Variants in RTEL1 observed in about 807,000 individuals in gnomAD.
RTEL1 encodes regulator of telomere length.
In RTEL1, 86 loss-of-function variants were observed where a neutral mutation model predicts 162.2. The ratio of observed to expected loss-of-function variants is 0.53; its 90% CI spans 0.45 to 0.63. RTEL1 has a LOEUF of 0.63. RTEL1 is among the 30% of genes least tolerant of loss of function. RTEL1 has a pLI of 0.00. For missense variants in RTEL1, 1,941 were observed against 1,750.2 expected, an observed-to-expected ratio of 1.11 and a Z score of -1.95; for synonymous variants, 958 against 717.9, an observed-to-expected ratio of 1.33 and a Z score of -5.35.
Position 63,695,512 on chromosome 20 carries a change from G to A in RTEL1, c.3684G>A (p.Gln1228=), listed in dbSNP as rs1329071018. Residue 1228 remains glutamine (Q), a synonymous_variant, in exon 34 of 35, where the codon CAG becomes CAA. Transcript: ENST00000360203. ...CTCATGGGAGAGACATCGCTGGGCAGCAGGCCACGGGAGCTCCGGGCGGGC... is the reference window on the plus strand; with the variant it reads ...CTCATGGGAGAGACATCGCTGGGCAACAGGCCACGGGAGCTCCGGGCGGGC... ...GEPHGRDIAG[Q]QATGAPGGPL... is the part of the protein sequence containing the mutation. 6.2e-7 allele frequency: 1 copy of A among 1,611,876 alleles called. No individual in the cohort carries two copies. The highest frequency in any genetic ancestry group is 2.2e-5 in the East Asian group (1 of 44,876).
chr20:63,695,029 T>C (rs1335037635), intron 32 of RTEL1, 37 bp from the exon 33 acceptor site: 5 of 1,609,464 alleles, frequency 3.1e-6, no homozygotes, highest in East Asian at 2.2e-5. Context: ...GGGGACAAAA[T>C]GGGGGCTGTG....
rs199698251 is a variant in RTEL1, at chr20:63,691,836, C to G, written c.2651C>G (p.Pro884Arg). Residue 884 changes from proline (P) to arginine (R), a missense_variant and splice_region_variant, in exon 28 of 35, where the codon CCG becomes CGG. Physicochemically the swap from Pro to Arg is moderately radical, Grantham distance 103 (BLOSUM62 -2). Transcript: ENST00000360203. Reference protein sequence around the residue: ...GRKKIRLVSHPEEPVAGAQTD... With the variant: ...GRKKIRLVSHREEPVAGAQTD... The stretch of plus-strand genomic sequence containing the variant: ...AAGAAGATCCGGCTGGTCAGCCACC[C>G]GGTGCGTGAGCTGTCCCTGCACCTG... The G allele has an allele frequency of 2.5e-6, 4 of 1,609,178 alleles. No homozygotes were observed. The South Asian group carries it at 3.3e-5, about 13-fold the overall frequency.
Position 63,674,026 on chromosome 20 carries a change from G to A in RTEL1, c.852G>A (p.Glu284=), listed in dbSNP as rs764411233. ...SGLDVIDQVL[E]EQTKAAQQGE... is the part of the protein sequence containing the mutation. ...TGGACGTCATAGACCAGGTGCTGGA[G>A]GAGCAGACCAAGGCAGCGCAGCAGG... The change falls in exon 10 of 35, where the codon GAG becomes GAA. Residue 284 remains glutamate, a synonymous_variant. Coordinates refer to ENST00000360203, the MANE Select transcript of RTEL1 (RefSeq NM_001283009.2). 1.9e-6 allele frequency: 3 copies of A among 1,614,156 alleles called. No homozygotes were observed. Among genetic ancestry groups the A allele is most frequent in the African/African-American group, 1.3e-5 (1 of 75,068 alleles).
In RTEL1 at chr20:63,687,781, C is replaced by A; in HGVS notation, c.1481+11C>A. On this transcript the variant is annotated intron_variant, in intron 17 of 34. Coordinates refer to ENST00000360203, the MANE Select transcript of RTEL1 (RefSeq NM_001283009.2). ...TCTGGAGATGCAGATGTACGGGCCA[C>A]CCCTGCCAGGGCCTGAGCACCGGTG... 6.4e-7 allele frequency: 1 copy of A among 1,564,090 alleles called. No individual in the cohort carries two copies. The highest frequency in any genetic ancestry group is 8.7e-7 in the Non-Finnish European group (1 of 1,154,980).
In RTEL1 at chr20:63,689,764, G is replaced by A; in HGVS notation, c.2040G>A (p.Gln680=). 1 of 1,612,192 alleles carries A rather than the reference G, an allele frequency of 6.2e-7. No homozygotes were observed. The highest frequency in any genetic ancestry group is 2.2e-5 in the East Asian group (1 of 44,862). ...TCGCCCCACAGTTCCTCTCTGGGCAGGAGTGGTACCGGCAGCAGGCGTCCA... is the reference window on the plus strand; with the variant it reads ...TCGCCCCACAGTTCCTCTCTGGGCAAGAGTGGTACCGGCAGCAGGCGTCCA... ...GGAGGQFLSG[Q]EWYRQQASRA... The change falls in exon 24 of 35, where the codon CAG becomes CAA. Residue 680 remains glutamine (Q), a synonymous_variant. Transcript: ENST00000360203.
At chr20:63,694,152 C>A (rs1201048366) in intron 30 of RTEL1, among the ~76,000 whole-genome samples, 2 of 152,254 alleles carry the variant, frequency 1.3e-5, no homozygotes, top group Admixed American at 1.3e-4. Context: ...CTCTGAGCTC[C>A]TGAGTGGGGC....
rs989008248 is a variant in RTEL1 at position 63,696,132 on chromosome 20, G to A, written c.*274G>A. The A allele has an allele frequency of 3.8e-5, 20 of 519,670 alleles. No homozygotes were observed. Among genetic ancestry groups the A allele is most frequent in the East Asian group, 3.1e-4 (10 of 31,888 alleles). 32.2% of individuals were successfully genotyped at this position (519,670 alleles called of 1,614,324 possible). A position where few individuals can be genotyped will look rare whatever the true frequency, so the allele number is the denominator to read the frequency against. On this transcript the variant is annotated 3_prime_UTR_variant, in exon 35 of 35. Transcript: ENST00000360203. ...CCCTGGCTCCTGGCCTGTGAGTGGT[G>A]CCACAGGGGCACCCCAGCTGAGCCC...
At position 63,680,543 on chromosome 20, in the gene RTEL1, C is replaced by T. The variant is rs1178489362; in HGVS notation, c.1136-121C>T. On this transcript the variant is annotated intron_variant, in intron 13 of 34. Coordinates refer to ENST00000360203, the MANE Select transcript of RTEL1 (RefSeq NM_001283009.2). ...GATGCTGCGCTCCACCCTGGGCCCC[C>T]CATTGGGCAGGAGATGGAGCTTGGC... 3.8e-6 allele frequency: 4 copies of T among 1,042,406 alleles called. No homozygotes were observed. In the South Asian group the frequency reaches 4.2e-5, roughly 11 times the overall value. The allele number at this position is 1,042,406 out of a possible 1,614,324, so 64.6% of individuals were successfully genotyped here.
At position 63,695,632 on chromosome 20, in the gene RTEL1, C is replaced by T. The variant is rs1601200869; in HGVS notation, c.3804C>T (p.Cys1268=). The T allele has an allele frequency of 1.9e-6, 3 of 1,611,466 alleles. No homozygotes were observed. The highest frequency in any genetic ancestry group is 2.5e-6 in the Non-Finnish European group (3 of 1,179,888). The stretch of plus-strand genomic sequence containing the variant: ...GTGACTTCCAGCGCTGCCAAGCCTG[C>T]TGGCAACGGCACCTTCAGGTTGGTG... ...PACDFQRCQA[C]WQRHLQASRM... is the part of the protein sequence containing the mutation. The change falls in exon 34 of 35, where the codon TGC becomes TGT. Residue 1268 remains cysteine, a synonymous_variant. Coordinates refer to ENST00000360203, the MANE Select transcript of RTEL1 (RefSeq NM_001283009.2).
intron 4 of RTEL1, 77 bp from the exon 5 acceptor site, chr20:63,662,469 T>C (rs2090039750): frequency 6.3e-7 from 1 of 1,593,068 alleles, no homozygotes; most frequent in Non-Finnish European, 8.5e-7. Context: ...CGTGTCTCCA[T>C]ACAGCTCACG....
At chr20:63,683,207 C>G (rs2090513171) in intron 14 of RTEL1, among the ~76,000 whole-genome samples, 1 of 152,242 alleles carries the variant, frequency 6.6e-6, no homozygotes, top group African/African-American at 2.4e-5. Context: ...CTCAGGCAGT[C>G]TGCCCGCCTT....
At position 63,695,531 on chromosome 20, in the gene RTEL1, G is replaced by C; in HGVS notation, c.3703G>C (p.Gly1235Arg). The C allele has an allele frequency of 6.2e-7, 1 of 1,612,320 alleles. No individual in the cohort carries two copies. The highest frequency in any genetic ancestry group is 1.1e-5 in the South Asian group (1 of 91,042). Residue 1235 changes from glycine to arginine, a missense_variant, in exon 34 of 35, where the codon GGC becomes CGC. By Grantham distance (125) the Gly-to-Arg change is moderately radical (BLOSUM62 -2). Transcript: ENST00000360203. Reference sequence around the variant, plus strand: ...TGGGCAGCAGGCCACGGGAGCTCCGGGCGGGCCCCTCTCAGCAGGCTGTGT... The same window carrying C: ...TGGGCAGCAGGCCACGGGAGCTCCGCGCGGGCCCCTCTCAGCAGGCTGTGT... ...IAGQQATGAPGGPLSAGCVCQ... is the reference protein window; with the variant it reads ...IAGQQATGAPRGPLSAGCVCQ...
intron 30 of RTEL1, 73 bp from the exon 31 acceptor site, chr20:63,694,299 G>GGCCAGCC: frequency 4.8e-6 from 4 of 841,714 alleles, no homozygotes; most frequent in African/African-American, 1.7e-5. Context: ...TCCCTAGCCA[G>GGCCAGCC]CCCTGCCCCC....
chr20:63,684,588 C>T (rs531918068), intron 14 of RTEL1, among the ~76,000 whole-genome samples: 7 of 152,248 alleles, frequency 4.6e-5, no homozygotes, highest in South Asian at 2.1e-4. Flanking sequence ...CTCCTGACCT[C>T]GTGATCCGCC....
chr20:63,684,307 G>A (rs2090543698), intron 14 of RTEL1, among the ~76,000 whole-genome samples: 2 of 152,136 alleles, frequency 1.3e-5, no homozygotes, highest in Admixed American at 6.6e-5. Context: ...TCATGTTTTT[G>A]TTCACTGTGG....
At chr20:63,693,576 TCCA>T (rs1601189032) in intron 30 of RTEL1, among the ~76,000 whole-genome samples, 39 of 3,976 alleles carry the variant, frequency 9.8e-3, no homozygotes, top group Admixed American at 0.015. Flanking sequence ...CACCTCCACC[TCCA>T]CCACCACCAC....
rs540308088 is a variant in RTEL1, at chr20:63,696,107, C to T, written c.*249C>T. ...CTGGGAAAGTGCTTCCCCAGAACTT[C>T]CCTGGCTCCTGGCCTGTGAGTGGTG... On this transcript the variant is annotated 3_prime_UTR_variant, in exon 35 of 35. Coordinates refer to ENST00000360203, the MANE Select transcript of RTEL1 (RefSeq NM_001283009.2). 9.0e-6 allele frequency: 5 copies of T among 553,672 alleles called. No homozygotes were observed. The highest frequency in any genetic ancestry group is 3.8e-5 in the African/African-American group (2 of 52,604). The allele number at this position is 553,672 out of a possible 1,614,324, so 34.3% of individuals were successfully genotyped here.
chr20:63,693,961 CTGTT>C (rs1252102657), intron 30 of RTEL1, among the ~76,000 whole-genome samples: 8 of 151,636 alleles, frequency 5.3e-5, no homozygotes, highest in African/African-American at 7.3e-5. Flanking sequence ...GTTTCTGCCT[CTGTT>C]TGGGGTGGAG....
rs546705390 is a variant in RTEL1, at chr20:63,690,201, C to T, written c.2256C>T (p.Ala752=). The change falls in exon 25 of 35, where the codon GCC becomes GCT. Residue 752 remains alanine, a synonymous_variant. Transcript: ENST00000360203. ...ACGTGGCCCAGTTCTTCCGTGTTGCCGAGCGAACTGTGAGTTCCTGCCCAG... is the reference window on the plus strand; with the variant it reads ...ACGTGGCCCAGTTCTTCCGTGTTGCTGAGCGAACTGTGAGTTCCTGCCCAG... The part of the protein sequence containing the change: ...IRDVAQFFRV[A]ERTMPAPAPR... 35 of 1,612,356 alleles carry T rather than the reference C, an allele frequency of 2.2e-5. No homozygotes were observed. Among genetic ancestry groups the T allele is most frequent in the East Asian group, 1.8e-4 (8 of 44,878 alleles).
Sources: gnomAD v4.1 joint callset for allele counts (sites outside exome capture counted in the v4.1 genomes callset) on GRCh38, gnomAD v4.1.1 for gene constraint, MANE v1.5 for transcripts, NCBI Gene and HGNC (gene_info 2026-07-23, HGNC 2026-07-21) for gene names.